UBXN6: variants seen among roughly 807,000 people sequenced by gnomAD.
The protein encoded by UBXN6 is UBX domain-containing protein 6.
In UBXN6, 44 loss-of-function variants were observed where a neutral mutation model predicts 51.4. The observed-to-expected ratio is 0.86, with a 90% confidence interval of 0.67 to 1.10. The LOEUF is 1.10. Ranked by LOEUF, UBXN6 falls within the 50% of genes least tolerant of loss-of-function variation. The pLI is 0.00. For synonymous variants in UBXN6, 316 were observed against 263.2 expected (o/e 1.20, Z -1.94); for missense variants, 672 against 596.1 (o/e 1.13, Z -1.32).
chr19:4,447,184 C>T (rs577508990), intron 6 of UBXN6: 5 of 587,384 alleles, frequency 8.5e-6, no homozygotes, highest in South Asian at 8.2e-5. Context: ...CTGCTGGGGC[C>T]TGATGCGAGG....
Position 4,452,469 on chromosome 19 carries a change from G to T in UBXN6, c.336C>A (p.Gly112=). 1 of 1,611,588 alleles carries T rather than the reference G, an allele frequency of 6.2e-7. No homozygotes were observed. The change falls in exon 4 of 11, where the codon GGC becomes GGA. Residue 112 remains glycine (G), a synonymous_variant. Coordinates refer to ENST00000301281, the MANE Select transcript of UBXN6 (RefSeq NM_025241.3). ...CGCCAGGCACAGCCAGGTGGGCAGA[G>T]CCTTCCTCTCTGGGCTCAGATACCT... ...TNVVSEPREE[G]SAHLAVPGVY...
Position 4,446,552 on chromosome 19 carries a change from C to T in UBXN6, c.868G>A (p.Gly290Arg). The T allele has an allele frequency of 1.2e-6, 2 of 1,612,448 alleles. No individual in the cohort carries two copies. The highest frequency in any genetic ancestry group is 8.5e-7 in the Non-Finnish European group (1 of 1,179,910). The change falls in exon 8 of 11, where the codon GGG (glycine) becomes AGG (arginine). Residue 290 changes from glycine to arginine, a missense_variant. Coordinates refer to ENST00000301281, the MANE Select transcript of UBXN6 (RefSeq NM_025241.3). ...SPLASQFELP[G>R]DFFNLTAEEI... Reference sequence around the variant, plus strand: ...TCTGCTGTGAGGTTGAAGAAGTCCCCAGGCAGTTCGAACTGCGAGGCCAGG... The same window carrying T: ...TCTGCTGTGAGGTTGAAGAAGTCCCTAGGCAGTTCGAACTGCGAGGCCAGG...
chr19:4,457,734 C>CG lies in UBXN6; in HGVS notation c.-38dup, dbSNP rs753345669. The CG allele has an allele frequency of 1.4e-4, 141 of 1,041,156 alleles. No homozygotes were observed. In the Admixed American group the frequency reaches 2.7e-3, roughly 20 times the overall value. 64.5% of individuals were successfully genotyped at this position (1,041,156 alleles called of 1,614,324 possible). ...GCCCGGCGGCGGGGGGCCGCGGGGG[C>CG]GGGGGGGCACGGGGCCCAGTCGGGG... On this transcript the variant is annotated 5_prime_UTR_variant, in exon 1 of 11. Coordinates refer to ENST00000301281, the MANE Select transcript of UBXN6 (RefSeq NM_025241.3).
At position 4,447,558 on chromosome 19, in the gene UBXN6, C is replaced by A; in HGVS notation, c.607G>T (p.Val203Leu). 1 of 1,613,662 alleles carries A rather than the reference C, an allele frequency of 6.2e-7. No homozygotes were observed. Among genetic ancestry groups the A allele is most frequent in the Non-Finnish European group, 8.5e-7 (1 of 1,179,840 alleles). Residue 203 changes from valine (V) to leucine (L), a missense_variant, in exon 6 of 11, where the codon GTG (valine) becomes TTG (leucine). Val to Leu is a conservative substitution (Grantham distance 32). Transcript: ENST00000301281. ...CCAGAAGGCACGCCCACCTGAAACACCTTGTTCTGCAGCTTGATCTTCCGG... is the reference window on the plus strand; with the variant it reads ...CCAGAAGGCACGCCCACCTGAAACAACTTGTTCTGCAGCTTGATCTTCCGG... The part of the protein sequence containing the change: ...KYRKIKLQNK[V>L]FQERINCLEG...
Position 4,457,351 on chromosome 19 carries a change from TTCCCCTCCCC to T in UBXN6, c.83+254_83+263del, listed in dbSNP as rs1172219948. 3.9e-5 allele frequency among the ~76,000 whole-genome samples: 3 copies of T among 76,292 alleles called. No individual in the cohort carries two copies. In the Admixed American group the frequency reaches 4.7e-4, roughly 12 times the overall value. The allele number at this position is 76,292 out of a possible 152,430, so 50.1% of individuals were successfully genotyped here. A position where few individuals can be genotyped will look rare whatever the true frequency, so the allele number is the denominator to read the frequency against. On this transcript the variant is annotated intron_variant, in intron 1 of 10. Coordinates refer to ENST00000301281, the MANE Select transcript of UBXN6 (RefSeq NM_025241.3). ...CCTCCCGCCCCGCCCCCTGCGCTAG[TTCCCCTCCCC>T]TCGCCTCCCCCGCCGCGCCCCCGGG... is the stretch of plus-strand genomic sequence containing the variant.
chr19:4,454,139 C>T lies in UBXN6; in HGVS notation c.84-46G>A, dbSNP rs373444038. 2.4e-5 allele frequency: 35 copies of T among 1,481,974 alleles called. No homozygotes were observed. The African/African-American group carries it at 3.0e-4, about 13-fold the overall frequency. The allele number at this position is 1,481,974 out of a possible 1,614,324, so 91.8% of individuals were successfully genotyped here. A position where few individuals can be genotyped will look rare whatever the true frequency, so the allele number is the denominator to read the frequency against. On this transcript the variant is annotated intron_variant, in intron 1 of 10. Coordinates refer to ENST00000301281, the MANE Select transcript of UBXN6 (RefSeq NM_025241.3). The stretch of plus-strand genomic sequence containing the variant: ...AGTGAGTGTATCCTCCCGAGGTGGC[C>T]GGCAAAGCTGACGTGCAGTCACACA...
In UBXN6 at chr19:4,447,644, G is replaced by C. The variant is rs115616812; in HGVS notation, c.540-19C>G. ...CAGGTACCTGGGGTAGGTGGAGAAG[G>C]TGAGTGGGGCACAGCCCAGGCTGCC... On this transcript the variant is annotated intron_variant, in intron 5 of 10. Transcript: ENST00000301281. 1.5e-5 allele frequency: 24 copies of C among 1,613,598 alleles called. No homozygotes were observed. Among genetic ancestry groups the C allele is most frequent in the African/African-American group, 2.7e-5 (2 of 75,044 alleles).
intron 6 of UBXN6, 186 bp downstream of exon 6, chr19:4,447,362 GGT>G (rs1216909948): frequency 2.4e-5 from 15 of 616,080 alleles, no homozygotes; most frequent in Non-Finnish European, 3.8e-5. Flanking sequence ...TGGGGTGACC[GGT>G]GCATAAAAGT....
At position 4,451,113 on chromosome 19, in the gene UBXN6, A is replaced by G. The variant is rs530013442; in HGVS notation, c.441+1251T>C. 4.5e-4 allele frequency among the ~76,000 whole-genome samples: 69 copies of G among 152,212 alleles called. 1 individual carries two copies. The highest frequency in any genetic ancestry group is 1.6e-3 in the Admixed American group (25 of 15,276). On this transcript the variant is annotated intron_variant, in intron 4 of 10. Coordinates refer to ENST00000301281, the MANE Select transcript of UBXN6 (RefSeq NM_025241.3). ...CACCCAGTGTCCACGCTGGAGCTCA[A>G]TGGCGTGATCTGGGCTCACTGCAAC...
chr19:4,452,236 G>A, intron 4 of UBXN6, 128 bp downstream of exon 4: 1 of 1,352,998 alleles, frequency 7.4e-7, no homozygotes, highest in South Asian at 1.5e-5. Flanking sequence ...ATCAGAGGAG[G>A]GGCTTCACTA....
intron 4 of UBXN6, among the ~76,000 whole-genome samples, 195 bp downstream of exon 4, chr19:4,452,169 C>T (rs999902114): frequency 2.6e-5 from 4 of 151,424 alleles, no homozygotes; most frequent in Non-Finnish European, 5.9e-5. Flanking sequence ...AAAAAGACAC[C>T]TAGTTGGGAG....
rs763974738 is a variant in UBXN6, at chr19:4,445,512, C to A, written c.1312G>T (p.Glu438Ter). Reference protein sequence around the residue: ...ILKPELLSAIEKLL With the variant: ...ILKPELLSAI ...CTGCTTTTATTTCACAAGAGCTTCT[C>A]GATGGCTGACAGGAGCTCGGGTTTC... Residue 438 changes from glutamate (E) to a stop codon, truncating the protein, a stop_gained, in exon 11 of 11, where the codon GAG becomes TAG. Coordinates refer to ENST00000301281, the MANE Select transcript of UBXN6 (RefSeq NM_025241.3). LOFTEE classifies it high-confidence loss of function. The A allele has an allele frequency of 6.2e-7, 1 of 1,613,804 alleles. No individual in the cohort carries two copies. The highest frequency in any genetic ancestry group is 8.5e-7 in the Non-Finnish European group (1 of 1,180,012).
Position 4,452,481 on chromosome 19 carries a change from G to C in UBXN6, c.324C>G (p.Pro108=). ...EAPGTNVVSE[P]REEGSAHLAV... ...CCAGGTGGGCAGAGCCTTCCTCTCT[G>C]GGCTCAGATACCTGGGGCGGTGAAA... Residue 108 remains proline, a synonymous_variant, in exon 4 of 11, where the codon CCC becomes CCG. Coordinates refer to ENST00000301281, the MANE Select transcript of UBXN6 (RefSeq NM_025241.3). The C allele has an allele frequency of 6.2e-7, 1 of 1,611,028 alleles. No individual in the cohort carries two copies. The highest frequency in any genetic ancestry group is 2.2e-5 in the East Asian group (1 of 44,844).
At chr19:4,447,824 T>G (rs1974569674) in intron 5 of UBXN6, 199 bp from the exon 6 acceptor site, 1 of 597,690 alleles carries the variant, frequency 1.7e-6, no homozygotes, top group Non-Finnish European at 3.0e-6. Context: ...CCACCCCTGG[T>G]GCCAGCAGGA....
chr19:4,457,290 A>C (rs1372680327), intron 1 of UBXN6, among the ~76,000 whole-genome samples: 56 of 102,166 alleles, frequency 5.5e-4, no homozygotes, highest in African/African-American at 1.9e-3. Flanking sequence ...CCGCCACTGC[A>C]TCGGACCCTC....
chr19:4,454,162 A>G, intron 1 of UBXN6, 69 bp from the exon 2 acceptor site: 1 of 1,444,750 alleles, frequency 6.9e-7, no homozygotes, highest in Non-Finnish European at 9.2e-7. Context: ...GTGCAGTCAC[A>G]CAGAGGAGCT....
At position 4,448,622 on chromosome 19, in the gene UBXN6, C is replaced by T; in HGVS notation, c.442-207G>A. The T allele has an allele frequency of 5.1e-6, 3 of 590,152 alleles. No homozygotes were observed. The South Asian group carries it at 6.0e-5, about 12-fold the overall frequency. 36.6% of individuals were successfully genotyped at this position (590,152 alleles called of 1,614,324 possible). ...AGGGCAGAGGCGACGCAGCCAAGAC[C>T]CAGCAGAACTCAAGTCTCCCCTTCC... On this transcript the variant is annotated intron_variant, in intron 4 of 10. Transcript: ENST00000301281.
In UBXN6 at chr19:4,453,455, T is replaced by C. The variant is rs377566456; in HGVS notation, c.312+3A>G. ...GGACAGTGCCACCAGTGGCTGTTCT[T>C]ACCACGTTGGTCCCTGGGGCCTCGG... On this transcript the variant is annotated splice_donor_region_variant and intron_variant, in intron 3 of 10. Coordinates refer to ENST00000301281, the MANE Select transcript of UBXN6 (RefSeq NM_025241.3). 3.3e-5 allele frequency: 53 copies of C among 1,612,966 alleles called. No homozygotes were observed. The highest frequency in any genetic ancestry group is 4.5e-5 in the Non-Finnish European group (53 of 1,179,696).
intron 6 of UBXN6, chr19:4,447,220 C>T: frequency 1.7e-6 from 1 of 576,430 alleles, no homozygotes; most frequent in Non-Finnish European, 3.1e-6. Context: ...ACCCCAGTCC[C>T]TGCCCTTTCC....
Sources: allele counts gnomAD v4.1 joint callset (sites outside exome capture counted in the v4.1 genomes callset), GRCh38; gene constraint gnomAD v4.1.1; transcripts MANE v1.5; gene names NCBI Gene and HGNC (gene_info 2026-07-23, HGNC 2026-07-21).